The following FAM193A variants were observed in gnomAD, a reference collection of about 807,000 sequenced individuals.
FAM193A encodes family with sequence similarity 193 member A.
A neutral mutation model predicts 126.5 loss-of-function variants in FAM193A; 22 were observed. That is an observed-to-expected ratio of 0.17 (90% CI 0.12 to 0.25). The LOEUF is 0.25. Ranked by LOEUF, FAM193A falls within the 10% of genes least tolerant of loss-of-function variation. The pLI is 1.00. For missense variants in FAM193A, 1,675 were observed against 1,672.8 expected, an observed-to-expected ratio of 1.00 and a Z score of -0.02; for synonymous variants, 761 against 646.8, an observed-to-expected ratio of 1.18 and a Z score of -2.68.
intron 6 of FAM193A, among the ~76,000 whole-genome samples, chr4:2,642,635 TA>T (rs3831502): frequency 0.27 from 40,114 of 151,040 alleles, 5,773 homozygotes; most frequent in Middle Eastern, 0.37. Context: ...GAATCTACCT[TA>T]AAAAAAAATA....
chr4:2,704,927 T>G (rs1718140750), intron 19 of FAM193A, among the ~76,000 whole-genome samples: 1 of 152,236 alleles, frequency 6.6e-6, no homozygotes, highest in African/African-American at 2.4e-5. Context: ...TGTTTTTGTT[T>G]TTGAGACGGA....
chr4:2,596,106 A>C lies in FAM193A; in HGVS notation c.278A>C (p.Asn93Thr), dbSNP rs1740844967. The C allele has an allele frequency of 1.4e-6, 1 of 702,728 alleles. No individual in the cohort carries two copies. The highest frequency in any genetic ancestry group is 1.5e-5 in the South Asian group (1 of 67,596). The allele number at this position is 702,728 out of a possible 1,614,324, so 43.5% of individuals were successfully genotyped here. Reference protein sequence around the residue: ...YFETPFSFGMNHRTPPYPAGD... With the variant: ...YFETPFSFGMTHRTPPYPAGD... ...CAGACTCCTTTTAGTTTTGGCATGA[A>C]TCATAGGACACCACCCTACCCTGCT... The change falls in exon 2 of 21, where the codon AAT (asparagine) becomes ACT (threonine). Residue 93 changes from asparagine (N) to threonine (T), a missense_variant. Transcript: ENST00000637812.
intron 20 of FAM193A, among the ~76,000 whole-genome samples, chr4:2,730,169 A>C (rs1229100874): frequency 6.6e-6 from 1 of 152,096 alleles, no homozygotes; most frequent in African/African-American, 2.4e-5. Context: ...CAGCCTCCCA[A>C]AGTAGTAGGA....
At chr4:2,555,953 G>C (rs905259495) in intron 1 of FAM193A, among the ~76,000 whole-genome samples, 3 of 151,032 alleles carry the variant, frequency 2.0e-5, no homozygotes, top group African/African-American at 7.3e-5. Context: ...TGCCCAGGCT[G>C]GAGTGCCATG....
intron 2 of FAM193A, among the ~76,000 whole-genome samples, chr4:2,601,515 C>T (rs1386283473): frequency 1.3e-5 from 2 of 151,852 alleles, no homozygotes; most frequent in African/African-American, 2.4e-5. Flanking sequence ...GATTACAAGC[C>T]TGAGCCACCA....
At chr4:2,716,278 TCC>T (rs1263868911) in intron 20 of FAM193A, among the ~76,000 whole-genome samples, 174 bp downstream of exon 20, 1 of 152,164 alleles carries the variant, frequency 6.6e-6, no homozygotes, top group Non-Finnish European at 1.5e-5. Flanking sequence ...CACACACCCC[TCC>T]CATACTCCCA....
intron 13 of FAM193A, among the ~76,000 whole-genome samples, chr4:2,682,762 A>G (rs1715299412): frequency 1.3e-5 from 2 of 152,216 alleles, no homozygotes; most frequent in South Asian, 4.1e-4. Flanking sequence ...AAAAAAGGTA[A>G]CATTTAACAG....
chr4:2,603,109 C>G (rs1741306105), intron 2 of FAM193A, among the ~76,000 whole-genome samples: 1 of 150,098 alleles, frequency 6.7e-6, no homozygotes, highest in Non-Finnish European at 1.5e-5. Flanking sequence ...GCTGGGATTA[C>G]AGGCGCCCAC....
chr4:2,663,372 T>A, intron 12 of FAM193A, 84 bp downstream of exon 12: 1 of 1,105,024 alleles, frequency 9.0e-7, no homozygotes, highest in Non-Finnish European at 1.3e-6. Context: ...AATACAAAAT[T>A]ATTTTGTTTC....
At chr4:2,661,434 C>T in intron 10 of FAM193A, among the ~76,000 whole-genome samples, 1 of 152,172 alleles carries the variant, frequency 6.6e-6, no homozygotes, top group East Asian at 1.9e-4. Context: ...TCACATGGAG[C>T]AAATGGCTGA....
At chr4:2,654,713 A>G (rs893448896) in intron 7 of FAM193A, 2 of 168,434 alleles carry the variant, frequency 1.2e-5, no homozygotes, top group African/African-American at 4.7e-5. Flanking sequence ...CCCATCCAAG[A>G]ATATGGTATG....
chr4:2,540,192 G>A (rs1361689061), intron 1 of FAM193A, among the ~76,000 whole-genome samples: 2 of 151,992 alleles, frequency 1.3e-5, no homozygotes, highest in Non-Finnish European at 2.9e-5. Flanking sequence ...AAAAATGGCC[G>A]GGCGCAGTGG....
intron 2 of FAM193A, among the ~76,000 whole-genome samples, chr4:2,612,242 C>T (rs1419166924): frequency 5.9e-5 from 9 of 151,950 alleles, no homozygotes; most frequent in African/African-American, 1.7e-4. Context: ...TGGCTCACGC[C>T]TGTAATCCTA....
intron 4 of FAM193A, 98 bp downstream of exon 4, chr4:2,626,675 C>T (rs1742997386): frequency 1.6e-6 from 1 of 618,542 alleles, no homozygotes; most frequent in African/African-American, 1.8e-5. Flanking sequence ...CCTTACAGTG[C>T]TCAGCTGGGT....
chr4:2,630,451 C>A (rs1743448204), intron 4 of FAM193A, among the ~76,000 whole-genome samples: 1 of 152,170 alleles, frequency 6.6e-6, no homozygotes, highest in Admixed American at 6.5e-5. Context: ...AGATCTGCAG[C>A]CAGGTGGCAC....
chr4:2,632,572 A>C (rs955512540), intron 5 of FAM193A, among the ~76,000 whole-genome samples: 32 of 151,516 alleles, frequency 2.1e-4, no homozygotes, highest in Admixed American at 2.1e-3. Context: ...AATTACATAC[A>C]TGTAATTGTA....
chr4:2,663,911 G>C (rs894448592), intron 12 of FAM193A, among the ~76,000 whole-genome samples: 1 of 152,204 alleles, frequency 6.6e-6, no homozygotes, highest in Non-Finnish European at 1.5e-5. Flanking sequence ...AGGTTGCAGT[G>C]AGCCAAGATT....
At chr4:2,727,436 T>A (rs1720885404) in intron 20 of FAM193A, among the ~76,000 whole-genome samples, 1 of 152,214 alleles carries the variant, frequency 6.6e-6, no homozygotes, top group Non-Finnish European at 1.5e-5. Context: ...TCTCACTCTG[T>A]CATCCAGGGA....
At chr4:2,594,864 T>G (rs1740772493) in intron 1 of FAM193A, among the ~76,000 whole-genome samples, 1 of 134,810 alleles carries the variant, frequency 7.4e-6, no homozygotes, top group African/African-American at 2.7e-5. Context: ...AGTCTTGCTC[T>G]ATTGCCCAGG....
Sources: gnomAD v4.1 joint callset for allele counts (sites outside exome capture counted in the v4.1 genomes callset) on GRCh38, gnomAD v4.1.1 for gene constraint, MANE v1.5 for transcripts, NCBI Gene and HGNC (gene_info 2026-07-23, HGNC 2026-07-21) for gene names.